COQ8B: variants seen among roughly 807,000 people sequenced by gnomAD.
COQ8B encodes the protein coenzyme Q8B, also known as atypical kinase COQ8B, mitochondrial.
A neutral mutation model predicts 62.0 loss-of-function variants in COQ8B; 44 were observed. The observed-to-expected ratio is 0.71, with a 90% CI of 0.56 to 0.91. The LOEUF is 0.91. Ranked by LOEUF, COQ8B falls within the 40% of genes least tolerant of loss-of-function variation. The pLI is 0.00. For missense variants in COQ8B, 649 were observed against 731.6 expected, an observed-to-expected ratio of 0.89 and a Z score of 1.30; for synonymous variants, 252 against 289.9, an observed-to-expected ratio of 0.87 and a Z score of 1.33.
intron 4 of COQ8B, among the ~76,000 whole-genome samples, chr19:40,713,697 C>G (rs2082160918): frequency 6.9e-6 from 1 of 144,368 alleles, no homozygotes; most frequent in Non-Finnish European, 1.5e-5. Flanking sequence ...GCCTGGGCAA[C>G]AGAGCGAGAC....
chr19:40,692,332 C>T lies in COQ8B; in HGVS notation c.1338G>A (p.Gly446=). The T allele has an allele frequency of 3.7e-6, 6 of 1,613,688 alleles. No homozygotes were observed. The highest frequency in any genetic ancestry group is 4.2e-6 in the Non-Finnish European group (5 of 1,179,852). The change falls in exon 15 of 15, where the codon GGG becomes GGA. Residue 446 remains glycine (G), a synonymous_variant. Transcript: ENST00000324464. ...DAHVEAVMIL[G]EPFATQGPYD... ...AAGGGCCCTGGGTGGCGAAAGGCTC[C>T]CCCAGGATCATCACTGCCTCCACGT...
chr19:40,695,272 C>T (rs1278659033), intron 13 of COQ8B, among the ~76,000 whole-genome samples: 2 of 148,714 alleles, frequency 1.3e-5, no homozygotes, highest in Non-Finnish European at 3.0e-5. Context: ...GAGCCAAGAT[C>T]GAGCCACTGC....
chr19:40,694,392 G>A lies in COQ8B; in HGVS notation c.1210-1355C>T, dbSNP rs537018008. Among the ~76,000 whole-genome samples the A allele has an allele frequency of 6.6e-5, 10 of 152,252 alleles. No homozygotes were observed. In the South Asian group the frequency reaches 8.3e-4, roughly 13 times the overall value. ...CTGCTCAAATCTTTTCCACGGCTCCGCAGGGCACCTGGATACAGTACGAGC... is the reference window on the plus strand; with the variant it reads ...CTGCTCAAATCTTTTCCACGGCTCCACAGGGCACCTGGATACAGTACGAGC... On this transcript the variant is annotated intron_variant, in intron 13 of 14. Transcript: ENST00000324464.
At chr19:40,708,593 C>T (rs1031892736) in intron 5 of COQ8B, among the ~76,000 whole-genome samples, 1 of 151,332 alleles carries the variant, frequency 6.6e-6, no homozygotes, top group African/African-American at 2.4e-5. Flanking sequence ...TGGTCATACC[C>T]AAACCCTAAT....
At chr19:40,692,689 T>C (rs923405846) in intron 14 of COQ8B, among the ~76,000 whole-genome samples, 11 of 151,996 alleles carry the variant, frequency 7.2e-5, no homozygotes, top group African/African-American at 2.4e-4. Context: ...CCAGGGTTCC[T>C]GAGAAGTCAG....
At chr19:40,700,793 T>G (rs893519599) in intron 10 of COQ8B, 1 of 258,022 alleles carries the variant, frequency 3.9e-6, no homozygotes, top group South Asian at 8.0e-5. Context: ...TTTTCATTAA[T>G]TTATTAATTC....
chr19:40,693,215 T>C (rs1409948271), intron 13 of COQ8B, among the ~76,000 whole-genome samples, 178 bp from the exon 14 acceptor site: 1 of 152,096 alleles, frequency 6.6e-6, no homozygotes, highest in East Asian at 1.9e-4. Context: ...CCTTAAAGAC[T>C]CTTCCAGAGC....
intron 4 of COQ8B, 143 bp downstream of exon 4, chr19:40,713,924 G>A: frequency 1.3e-6 from 1 of 785,042 alleles, no homozygotes. Context: ...GATTTCTCTT[G>A]GCCTTGCAGG....
intron 13 of COQ8B, among the ~76,000 whole-genome samples, chr19:40,693,793 A>C (rs1232375734): frequency 6.6e-6 from 1 of 152,108 alleles, no homozygotes; most frequent in Non-Finnish European, 1.5e-5. Flanking sequence ...TAAATACTAT[A>C]ATCTACCATT....
Position 40,715,314 on chromosome 19 carries a change from C to T in COQ8B, c.-3-679G>A, listed in dbSNP as rs543232685. 1.7e-4 allele frequency: 163 copies of T among 985,916 alleles called. 1 individual carries two copies. The South Asian group carries it at 6.8e-3, about 41-fold the overall frequency. The allele number at this position is 985,916 out of a possible 1,614,324, so 61.1% of individuals were successfully genotyped here. On this transcript the variant is annotated intron_variant, in intron 1 of 14. Transcript: ENST00000324464. ...GGAGCGCAAGCGTGCCCTGTCTGCCCTTCCACTCACCTCAAAGTGCCTTGT... is the reference window on the plus strand; with the variant it reads ...GGAGCGCAAGCGTGCCCTGTCTGCCTTTCCACTCACCTCAAAGTGCCTTGT...
intron 5 of COQ8B, among the ~76,000 whole-genome samples, chr19:40,709,659 C>T (rs2082125819): frequency 6.6e-6 from 1 of 152,120 alleles, no homozygotes; most frequent in Non-Finnish European, 1.5e-5. Flanking sequence ...GCCTGGCCAA[C>T]ATGGTGAAAC....
In COQ8B at chr19:40,715,201, G is replaced by GA. The variant is rs559318550; in HGVS notation, c.-3-567dup. Reference sequence around the variant, plus strand: ...GGAGTTTCTCCATCTGTGCGCGGGGGAAGGGGCCAGAGAGAGGCCCTAGCG... The same window carrying GA: ...GGAGTTTCTCCATCTGTGCGCGGGGGAAAGGGGCCAGAGAGAGGCCCTAGCG... On this transcript the variant is annotated intron_variant, in intron 1 of 14. Transcript: ENST00000324464. 1,095 of 984,896 alleles carry GA rather than the reference G, an allele frequency of 1.1e-3. 11 individuals are homozygous for GA. In the African/African-American group the frequency reaches 0.018, roughly 16 times the overall value. 61.0% of individuals were successfully genotyped at this position (984,896 alleles called of 1,614,324 possible). A position where few individuals can be genotyped will look rare whatever the true frequency, so the allele number is the denominator to read the frequency against.
At chr19:40,695,699 C>T (rs1026871945) in intron 13 of COQ8B, among the ~76,000 whole-genome samples, 2 of 152,152 alleles carry the variant, frequency 1.3e-5, no homozygotes, top group South Asian at 4.1e-4. Context: ...TGATCTTGGG[C>T]ACGTGACTTA....
chr19:40,704,025 G>T, intron 7 of COQ8B, 170 bp from the exon 8 acceptor site: 2 of 816,458 alleles, frequency 2.4e-6, no homozygotes, highest in Non-Finnish European at 3.7e-6. Context: ...GAGCTCCCTT[G>T]TGCAAGTGAC....
At chr19:40,714,034 G>T in intron 4 of COQ8B, 33 bp downstream of exon 4, 1 of 1,610,512 alleles carries the variant, frequency 6.2e-7, no homozygotes, top group Non-Finnish European at 8.5e-7. Flanking sequence ...TTCTAATTGA[G>T]GTCACACCAA....
intron 4 of COQ8B, among the ~76,000 whole-genome samples, chr19:40,711,248 T>TAGAGACAGGGTCTCACTCTGTCGCCC (rs2082139556): frequency 6.6e-6 from 1 of 152,178 alleles, no homozygotes; most frequent in African/African-American, 2.4e-5. Context: ...TTTTTCTTTT[T>TAGAGACAGGGTCTCACTCTGTCGCCC]AGAGACAGGG....
intron 4 of COQ8B, among the ~76,000 whole-genome samples, chr19:40,710,397 C>T (rs1326674110): frequency 6.6e-6 from 1 of 152,140 alleles, no homozygotes; most frequent in Non-Finnish European, 1.5e-5. Flanking sequence ...GGCACGCGCC[C>T]ACCACGCCTG....
chr19:40,704,732 C>T (rs10417325), intron 7 of COQ8B: 3,014 of 174,512 alleles, frequency 0.017, 90 homozygotes, highest in African/African-American at 0.067. Flanking sequence ...ATTACAGACA[C>T]GATCTCCTTT....
At chr19:40,694,409 A>G (rs2081997761) in intron 13 of COQ8B, among the ~76,000 whole-genome samples, 1 of 152,212 alleles carries the variant, frequency 6.6e-6, no homozygotes, top group Admixed American at 6.5e-5. Context: ...ACCTGGATAC[A>G]GTACGAGCTG....
Sources: gnomAD v4.1 joint callset for allele counts (sites outside exome capture counted in the v4.1 genomes callset) on GRCh38, gnomAD v4.1.1 for gene constraint, MANE v1.5 for transcripts, NCBI Gene and HGNC (gene_info 2026-07-23, HGNC 2026-07-21) for gene names.